Variants in NRF1 observed in about 807,000 individuals in gnomAD.
NRF1 encodes alpha palindromic-binding protein.
Under a neutral mutation model 58.5 loss-of-function variants are expected in NRF1, and 5 were observed. The observed-to-expected ratio is 0.09, with a 90% CI of 0.04 to 0.18. The LOEUF (loss-of-function observed/expected upper bound fraction) is 0.18, where lower values mean the gene tolerates loss of function less well. Ranked by LOEUF, NRF1 falls within the 10% of genes least tolerant of loss-of-function variation. NRF1 has a pLI of 1.00. For missense variants in NRF1, 288 were observed against 657.7 expected, an observed-to-expected ratio of 0.44 and a Z score of 6.15; for synonymous variants, 224 against 246.7, an observed-to-expected ratio of 0.91 and a Z score of 0.86.
chr7:129,649,437 T>C (rs1393869394), intron 1 of NRF1, among the ~76,000 whole-genome samples: 3 of 152,242 alleles, frequency 2.0e-5, no homozygotes, highest in African/African-American at 7.2e-5. Context: ...TTACATTTAG[T>C]TACACTTTGA....
Position 129,662,446 on chromosome 7 carries a change from C to T in NRF1, c.223+4872C>T, listed in dbSNP as rs544903671. ...TGTTTCCTCCGAGATTTGCACTGAACGGTTTCCAATAGTGGAAAAAAATTT... is the reference window on the plus strand; with the variant it reads ...TGTTTCCTCCGAGATTTGCACTGAATGGTTTCCAATAGTGGAAAAAAATTT... On this transcript the variant is annotated intron_variant, in intron 2 of 10. Coordinates refer to ENST00000393232, the MANE Select transcript of NRF1 (RefSeq NM_005011.5). Among the ~76,000 whole-genome samples, 9 of 148,170 alleles carry T rather than the reference C, an allele frequency of 6.1e-5. No individual in the cohort carries two copies. The South Asian group carries it at 1.3e-3, about 21-fold the overall frequency.
intron 10 of NRF1, among the ~76,000 whole-genome samples, chr7:129,743,937 T>C (rs1803907776): frequency 6.6e-6 from 1 of 152,142 alleles, no homozygotes. Flanking sequence ...GGGGGAAATA[T>C]GAGGGAAATG....
chr7:129,725,734 A>G (rs550243777), intron 9 of NRF1, among the ~76,000 whole-genome samples: 26 of 152,350 alleles, frequency 1.7e-4, no homozygotes, highest in African/African-American at 6.0e-4. Flanking sequence ...TATAAAAGCA[A>G]GTATACTGCT....
At chr7:129,703,986 C>G (rs954807640) in intron 5 of NRF1, among the ~76,000 whole-genome samples, 31 of 152,004 alleles carry the variant, frequency 2.0e-4, no homozygotes, top group African/African-American at 7.3e-4. Flanking sequence ...TCTGTCTTTC[C>G]TCTAATTATG....
chr7:129,614,681 A>G (rs1800625318), intron 1 of NRF1, among the ~76,000 whole-genome samples: 1 of 152,106 alleles, frequency 6.6e-6, no homozygotes, highest in Non-Finnish European at 1.5e-5. Flanking sequence ...ATAGAAGTAG[A>G]AGATAATGAG....
chr7:129,632,116 A>T (rs1185071210), intron 1 of NRF1, among the ~76,000 whole-genome samples: 3 of 152,120 alleles, frequency 2.0e-5, no homozygotes, highest in Non-Finnish European at 2.9e-5. Context: ...CTCTAAAAAA[A>T]TTTTAAAAAT....
At chr7:129,657,985 C>G (rs913669584) in intron 2 of NRF1, among the ~76,000 whole-genome samples, 10 of 152,140 alleles carry the variant, frequency 6.6e-5, no homozygotes, top group African/African-American at 2.4e-4. Context: ...TCTGTAATCA[C>G]TTACTATCAG....
At chr7:129,655,130 TC>T (rs1286252614) in intron 1 of NRF1, among the ~76,000 whole-genome samples, 1 of 152,254 alleles carries the variant, frequency 6.6e-6, no homozygotes, top group African/African-American at 2.4e-5. Flanking sequence ...ATTATTTTCA[TC>T]AGAGTTTTGT....
At chr7:129,701,048 G>A (rs1802813512) in intron 5 of NRF1, among the ~76,000 whole-genome samples, 1 of 152,034 alleles carries the variant, frequency 6.6e-6, no homozygotes, top group Non-Finnish European at 1.5e-5. Context: ...GAAGAAAATA[G>A]CCATATAAAT....
At chr7:129,667,147 A>G (rs967696064) in intron 2 of NRF1, among the ~76,000 whole-genome samples, 7 of 152,338 alleles carry the variant, frequency 4.6e-5, no homozygotes, top group Admixed American at 2.0e-4. Context: ...TCCATTTTCA[A>G]CTTTACTAGA....
chr7:129,695,969 TC>T (rs1426709925), intron 5 of NRF1, among the ~76,000 whole-genome samples: 2 of 144,830 alleles, frequency 1.4e-5, no homozygotes, highest in Non-Finnish European at 3.0e-5. Flanking sequence ...ACACCTGTAA[TC>T]CCAGCACTTT....
chr7:129,742,708 AGT>A (rs1803876934), intron 10 of NRF1, among the ~76,000 whole-genome samples: 1 of 152,194 alleles, frequency 6.6e-6, no homozygotes, highest in African/African-American at 2.4e-5. Flanking sequence ...AACTCTTAAG[AGT>A]GTTGCACAGT....
intron 4 of NRF1, among the ~76,000 whole-genome samples, chr7:129,683,368 G>T (rs1802372846): frequency 6.7e-6 from 1 of 148,716 alleles, no homozygotes; most frequent in South Asian, 2.1e-4. Context: ...TTGCTCTATT[G>T]CCCAGGCTAG....
At chr7:129,611,988 C>T (rs1261641913) in intron 1 of NRF1, among the ~76,000 whole-genome samples, 164 bp downstream of exon 1, 1 of 148,800 alleles carries the variant, frequency 6.7e-6, no homozygotes, top group East Asian at 2.0e-4. Flanking sequence ...CGGGGGGCCC[C>T]GGCCCGGCCC....
chr7:129,734,537 C>T (rs189197233), intron 10 of NRF1, among the ~76,000 whole-genome samples: 160 of 152,340 alleles, frequency 1.1e-3, no homozygotes, highest in African/African-American at 3.8e-3. Flanking sequence ...CCCAGCTGTT[C>T]CGAGGGCTGT....
chr7:129,705,314 G>A lies in NRF1; in HGVS notation c.607-3761G>A, dbSNP rs143819374. On this transcript the variant is annotated intron_variant, in intron 5 of 10. Coordinates refer to ENST00000393232, the MANE Select transcript of NRF1 (RefSeq NM_005011.5). ...TTGGTTTGTTTTTTGTTTTTGAGAT[G>A]GAGTCTTGCTCTGTTGCCCAGGCTG... Among the ~76,000 whole-genome samples, 806 of 152,010 alleles carry A rather than the reference G, an allele frequency of 5.3e-3. 11 individuals carry two copies. Among genetic ancestry groups the A allele is most frequent in the African/African-American group, 0.019 (777 of 41,454 alleles).
intron 1 of NRF1, among the ~76,000 whole-genome samples, chr7:129,619,370 G>A (rs1416048633): frequency 3.0e-5 from 3 of 98,716 alleles, no homozygotes; most frequent in Non-Finnish European, 5.9e-5. Context: ...AAAATCATTG[G>A]GATAAAAACT....
chr7:129,648,899 A>G (rs991586158), intron 1 of NRF1, among the ~76,000 whole-genome samples: 1 of 146,404 alleles, frequency 6.8e-6, no homozygotes, highest in African/African-American at 2.5e-5. Flanking sequence ...ATGGAACTAC[A>G]TGTACAACTA....
At chr7:129,617,996 A>C (rs1036662608) in intron 1 of NRF1, among the ~76,000 whole-genome samples, 1 of 152,206 alleles carries the variant, frequency 6.6e-6, no homozygotes, top group Non-Finnish European at 1.5e-5. Flanking sequence ...ACTTTATTCT[A>C]TAGGCATTTA....
Sources: gnomAD v4.1 joint callset for allele counts (sites outside exome capture counted in the v4.1 genomes callset) on GRCh38, gnomAD v4.1.1 for gene constraint, MANE v1.5 for transcripts, NCBI Gene and HGNC (gene_info 2026-07-23, HGNC 2026-07-21) for gene names.